The following CEP135 variants were observed in gnomAD, a reference collection of about 807,000 sequenced individuals.
The protein encoded by CEP135 is centrosomal protein of 135 kDa.
CEP135 carries 142 observed loss-of-function variants against 157.3 expected under a neutral mutation model. The observed-to-expected ratio is 0.90, with a 90% confidence interval of 0.79 to 1.04. CEP135 has a LOEUF of 1.04. Among genes scored for constraint, CEP135 ranks in the 50% least tolerant of loss-of-function variants. The probability of loss-of-function intolerance (pLI) is 0.00; values close to 1 mark genes in which losing one functional copy is unlikely to be tolerated. For synonymous variants in CEP135, 396 were observed against 439.8 expected (o/e 0.90, Z 1.25); for missense variants, 1,317 against 1,309.2 (o/e 1.01, Z -0.09).
chr4:55,991,519 G>A (rs1367770833), intron 14 of CEP135, among the ~76,000 whole-genome samples: 3 of 151,904 alleles, frequency 2.0e-5, no homozygotes, highest in Admixed American at 6.6e-5. Flanking sequence ...GTGCTTTTCA[G>A]GAAAATTATA....
At chr4:56,004,963 T>C (rs1730304727) in intron 17 of CEP135, among the ~76,000 whole-genome samples, 2 of 151,972 alleles carry the variant, frequency 1.3e-5, no homozygotes, top group South Asian at 4.1e-4. Context: ...TCTAGTTGTT[T>C]TATAACTCTT....
intron 3 of CEP135, 34 bp downstream of exon 3, chr4:55,953,309 T>C: frequency 7.2e-7 from 1 of 1,391,860 alleles, no homozygotes; most frequent in Non-Finnish European, 9.6e-7. Flanking sequence ...TAAAATGCAA[T>C]GTCTTTGTCC....
chr4:55,976,742 G>A (rs1207651124), intron 11 of CEP135, among the ~76,000 whole-genome samples: 1 of 152,164 alleles, frequency 6.6e-6, no homozygotes, highest in African/African-American at 2.4e-5. Flanking sequence ...AATGAAATGG[G>A]TGGGGTATAA....
intron 14 of CEP135, 80 bp downstream of exon 14, chr4:55,985,438 T>A (rs1223617475): frequency 1.9e-6 from 1 of 515,054 alleles, no homozygotes; most frequent in African/African-American, 2.0e-5. Flanking sequence ...CACTATTTTT[T>A]AATTTTAATT....
At chr4:55,988,309 A>G (rs1398477500) in intron 14 of CEP135, among the ~76,000 whole-genome samples, 3 of 152,154 alleles carry the variant, frequency 2.0e-5, no homozygotes, top group Admixed American at 2.0e-4. Context: ...TAGAAGTTTT[A>G]AAGAAGAACA....
chr4:55,973,093 T>C (rs1249845479), intron 10 of CEP135, among the ~76,000 whole-genome samples: 1 of 152,230 alleles, frequency 6.6e-6, no homozygotes, highest in East Asian at 1.9e-4. Context: ...AGTGTAATCT[T>C]TCAACTGTCT....
chr4:55,995,191 G>A (rs140983386), intron 15 of CEP135, among the ~76,000 whole-genome samples: 4 of 152,242 alleles, frequency 2.6e-5, no homozygotes, highest in East Asian at 1.9e-4. Flanking sequence ...TTGTCTACCC[G>A]GGAAGGTTAT....
In CEP135 at chr4:55,974,931, G is replaced by T; in HGVS notation, c.1435G>T (p.Ala479Ser). 1 of 1,607,076 alleles carries T rather than the reference G, an allele frequency of 6.2e-7. No homozygotes were observed. Among genetic ancestry groups the T allele is most frequent in the Non-Finnish European group, 8.5e-7 (1 of 1,175,976 alleles). Residue 479 changes from alanine to serine, a missense_variant, in exon 11 of 26, where the codon GCA becomes TCA. By Grantham distance (99) the Ala-to-Ser change is moderately conservative. Transcript: ENST00000257287. ...QRRSCSTSYSAREKSSIFRTP... is the reference protein window; with the variant it reads ...QRRSCSTSYSSREKSSIFRTP... ...AAGATCTTGCTCTACAAGTTATAGC[G>T]CACGTGAAAAAAGTTCAATATTTAG...
intron 17 of CEP135, among the ~76,000 whole-genome samples, chr4:56,002,307 C>T (rs1399645430): frequency 1.3e-5 from 2 of 151,956 alleles, no homozygotes; most frequent in African/African-American, 4.8e-5. Context: ...AGTGGGCATC[C>T]TTGGCTTGTT....
chr4:55,966,935 A>G (rs942066119), intron 8 of CEP135, among the ~76,000 whole-genome samples: 26 of 152,232 alleles, frequency 1.7e-4, no homozygotes, highest in South Asian at 8.3e-4. Context: ...AAATAAAACT[A>G]TTTCATTGTT....
At chr4:56,019,844 C>T (rs542563279) in intron 23 of CEP135, among the ~76,000 whole-genome samples, 2 of 151,908 alleles carry the variant, frequency 1.3e-5, no homozygotes, top group Non-Finnish European at 2.9e-5. Context: ...GAGGCTGAAG[C>T]GTGAGAATCA....
intron 24 of CEP135, among the ~76,000 whole-genome samples, chr4:56,022,574 A>G (rs140389501): frequency 6.6e-6 from 1 of 152,276 alleles, no homozygotes; most frequent in Non-Finnish European, 1.5e-5. Context: ...CTTGAGAAGC[A>G]CTGAACTAAT....
At chr4:56,010,814 A>C (rs1191182066) in intron 19 of CEP135, among the ~76,000 whole-genome samples, 1 of 152,210 alleles carries the variant, frequency 6.6e-6, no homozygotes, top group Non-Finnish European at 1.5e-5. Flanking sequence ...ATTATTCAGC[A>C]TAAAGCATAT....
Position 55,999,522 on chromosome 4 carries a change from T to C in CEP135, c.2157T>C (p.Asp719=), listed in dbSNP as rs946297129. The C allele has an allele frequency of 1.9e-6, 3 of 1,611,112 alleles. No homozygotes were observed. The highest frequency in any genetic ancestry group is 2.5e-6 in the Non-Finnish European group (3 of 1,179,464). The part of the protein sequence containing the change: ...DELNLKMTSQ[D]EEAHVMKKTI... ...TAAACCTTAAGATGACTTCACAGGA[T>C]GAGGAGGCTCATGTAATGAAAAAGA... The change falls in exon 17 of 26, where the codon GAT becomes GAC. Residue 719 remains aspartate (D), a synonymous_variant. Transcript: ENST00000257287.
chr4:56,018,126 T>G (rs886345930), intron 22 of CEP135, among the ~76,000 whole-genome samples: 6 of 152,122 alleles, frequency 3.9e-5, no homozygotes, highest in Admixed American at 3.9e-4. Flanking sequence ...ATTGCAGGCA[T>G]CTGCTAACAC....
At chr4:55,991,220 C>T (rs1317051346) in intron 14 of CEP135, among the ~76,000 whole-genome samples, 1 of 152,052 alleles carries the variant, frequency 6.6e-6, no homozygotes, top group Non-Finnish European at 1.5e-5. Flanking sequence ...TCATGATATG[C>T]CCACCGTGGC....
At position 55,984,976 on chromosome 4, in the gene CEP135, T is replaced by C. The variant is rs571266292; in HGVS notation, c.1780-305T>C. 3.0e-4 allele frequency among the ~76,000 whole-genome samples: 45 copies of C among 152,336 alleles called. No individual in the cohort carries two copies. In the South Asian group the frequency reaches 8.9e-3, roughly 30 times the overall value. Reference sequence around the variant, plus strand: ...TTATTTAACCTGCTGGTTTTGTCCTTTTATAGTTGTGCTATTATGGATTAA... The same window carrying C: ...TTATTTAACCTGCTGGTTTTGTCCTCTTATAGTTGTGCTATTATGGATTAA... On this transcript the variant is annotated intron_variant, in intron 13 of 25. Transcript: ENST00000257287.
intron 15 of CEP135, among the ~76,000 whole-genome samples, chr4:55,994,720 C>T (rs1315818410): frequency 2.2e-4 from 32 of 142,684 alleles, no homozygotes; most frequent in African/African-American, 8.3e-4. Flanking sequence ...GAGTCTTGCT[C>T]TGTTGGCCCG....
At chr4:56,000,560 G>A (rs903235392) in intron 17 of CEP135, among the ~76,000 whole-genome samples, 1 of 152,068 alleles carries the variant, frequency 6.6e-6, no homozygotes, top group African/African-American at 2.4e-5. Context: ...CCACTTTTTA[G>A]CACCCACGTA....
Sources: gnomAD v4.1 joint callset for allele counts (sites outside exome capture counted in the v4.1 genomes callset) on GRCh38, gnomAD v4.1.1 for gene constraint, MANE v1.5 for transcripts, NCBI Gene and HGNC (gene_info 2026-07-23, HGNC 2026-07-21) for gene names.